The following TTC7A variants were observed in gnomAD, a reference collection of about 807,000 sequenced individuals.
TTC7A encodes the protein tetratricopeptide repeat domain 7A.
Under a neutral mutation model 103.7 loss-of-function variants are expected in TTC7A, and 110 were observed. The observed-to-expected ratio is 1.06, with a 90% CI of 0.91 to 1.24. The LOEUF (loss-of-function observed/expected upper bound fraction) is 1.24, where lower values mean the gene tolerates loss of function less well. Ranked by LOEUF, TTC7A falls within the 50% of genes most tolerant of loss-of-function variation. TTC7A has a pLI of 0.00. For missense variants in TTC7A, 1,340 were observed against 1,116.3 expected (o/e 1.20, Z -2.86); for synonymous variants, 521 against 467.9 (o/e 1.11, Z -1.47).
At chr2:46,967,532 T>G (rs1393265231) in intron 3 of TTC7A, among the ~76,000 whole-genome samples, 3 of 152,224 alleles carry the variant, frequency 2.0e-5, no homozygotes, top group African/African-American at 7.2e-5. Flanking sequence ...TCTGGCTCAT[T>G]TCACTTAGTA....
At position 47,024,377 on chromosome 2, in the gene TTC7A, C is replaced by T; in HGVS notation, c.1641+18C>T. 1 of 1,599,592 alleles carries T rather than the reference C, an allele frequency of 6.3e-7. No homozygotes were observed. Among genetic ancestry groups the T allele is most frequent in the Non-Finnish European group, 8.5e-7 (1 of 1,173,020 alleles). Reference sequence around the variant, plus strand: ...TCCGACAGGTGGGTTGTCCGTGTTCCTAACCCCCGGGTCCTCGGGGGCTGC... The same window carrying T: ...TCCGACAGGTGGGTTGTCCGTGTTCTTAACCCCCGGGTCCTCGGGGGCTGC... On this transcript the variant is annotated intron_variant, in intron 14 of 19. Transcript: ENST00000319190.
chr2:46,974,839 C>A, intron 3 of TTC7A, 134 bp from the exon 4 acceptor site: 2 of 1,285,456 alleles, frequency 1.6e-6, no homozygotes, highest in Middle Eastern at 2.8e-4. Flanking sequence ...CCCTCCCCTC[C>A]GCAGACCTCC....
chr2:46,928,332 C>T (rs992429255), intron 2 of TTC7A, among the ~76,000 whole-genome samples: 11 of 151,878 alleles, frequency 7.2e-5, no homozygotes, highest in Admixed American at 6.6e-4. Context: ...AGAAAAAGAA[C>T]TCCAGGCCAG....
chr2:46,950,395 C>A lies in TTC7A; in HGVS notation c.217C>A (p.Leu73Ile), dbSNP rs760719289. 1 of 1,614,142 alleles carries A rather than the reference C, an allele frequency of 6.2e-7. No homozygotes were observed. The highest frequency in any genetic ancestry group is 1.1e-5 in the South Asian group (1 of 91,082). Residue 73 changes from leucine to isoleucine, a missense_variant, in exon 2 of 20, where the codon CTC becomes ATC. Physicochemically the swap from Leu to Ile is conservative, Grantham distance 5. Coordinates refer to ENST00000319190, the MANE Select transcript of TTC7A (RefSeq NM_020458.4). ...TGGGAAATTGCTGCTGGCTGAGGCC[C>A]TCCTGGAGCAGTGTTTGAAGGAGAA... ...DFGKLLLAEA[L>I]LEQCLKENHA...
At chr2:47,046,478 G>A (rs1310513882) in intron 16 of TTC7A, 47 bp downstream of exon 16, 1 of 1,504,430 alleles carries the variant, frequency 6.6e-7, no homozygotes, top group Non-Finnish European at 9.2e-7. Flanking sequence ...GTGGTTGCCA[G>A]GGCAACAATC....
chr2:47,045,320 C>T (rs759365819), intron 15 of TTC7A, among the ~76,000 whole-genome samples: 35 of 152,218 alleles, frequency 2.3e-4, no homozygotes, highest in Admixed American at 3.3e-4. Flanking sequence ...CCAGTCACAG[C>T]AGGGCCTCCA....
chr2:46,993,655 T>C (rs971470865), intron 6 of TTC7A, 127 bp downstream of exon 6: 1 of 832,466 alleles, frequency 1.2e-6, no homozygotes, highest in Non-Finnish European at 2.0e-6. Flanking sequence ...GTGGCAGAGG[T>C]TGGTAATCAA....
chr2:46,970,140 C>A (rs533623164), intron 3 of TTC7A, among the ~76,000 whole-genome samples: 1 of 152,256 alleles, frequency 6.6e-6, no homozygotes, highest in Non-Finnish European at 1.5e-5. Flanking sequence ...CAAGTGTGCG[C>A]CACCAAGCCC....
intron 11 of TTC7A, among the ~76,000 whole-genome samples, chr2:47,016,982 C>T (rs569910284): frequency 4.0e-5 from 6 of 150,690 alleles, no homozygotes; most frequent in Non-Finnish European, 5.9e-5. Flanking sequence ...GTGGATCACC[C>T]GAGGTCAGGA....
At chr2:47,040,430 G>A (rs1681611641) in intron 15 of TTC7A, 1 of 152,278 alleles carries the variant, frequency 6.6e-6, no homozygotes, top group Non-Finnish European at 1.5e-5. Flanking sequence ...AGACCTCAGT[G>A]TTTACTTCAC....
intron 5 of TTC7A, among the ~76,000 whole-genome samples, chr2:46,990,123 G>A (rs564663266): frequency 2.0e-5 from 3 of 152,354 alleles, no homozygotes; most frequent in African/African-American, 7.2e-5. Context: ...CTGCTGTTGG[G>A]CCCAGCTGCC....
chr2:47,073,792 T>G lies in TTC7A; in HGVS notation c.2446T>G (p.Trp816Gly), dbSNP rs1448081580. ...VERQSTCHEA[W>G]QGLGEVLQAQ... ...GAGGCAGAGTACGTGCCACGAGGCGTGGCAGGGCCTGGGCGAGGTGCTGCA... is the reference window on the plus strand; with the variant it reads ...GAGGCAGAGTACGTGCCACGAGGCGGGGCAGGGCCTGGGCGAGGTGCTGCA... Residue 816 changes from tryptophan to glycine, a missense_variant, in exon 20 of 20, where the codon TGG (tryptophan) becomes GGG (glycine). Transcript: ENST00000319190. The G allele has an allele frequency of 1.2e-6, 2 of 1,613,522 alleles. No homozygotes were observed. The highest frequency in any genetic ancestry group is 1.7e-6 in the Non-Finnish European group (2 of 1,179,994).
At chr2:46,999,808 C>A (rs554126917) in intron 8 of TTC7A, 72 of 985,432 alleles carry the variant, frequency 7.3e-5, no homozygotes, top group Middle Eastern at 5.2e-4. Flanking sequence ...ACCCTTGGAT[C>A]CCTGTTTCAT....
chr2:46,951,381 T>C (rs1008839071), intron 2 of TTC7A, among the ~76,000 whole-genome samples: 30 of 152,278 alleles, frequency 2.0e-4, no homozygotes, highest in African/African-American at 7.2e-4. Flanking sequence ...GTGATTCATA[T>C]GTGCATCCAA....
At chr2:46,959,446 A>T (rs1164659053) in intron 3 of TTC7A, among the ~76,000 whole-genome samples, 2 of 152,140 alleles carry the variant, frequency 1.3e-5, no homozygotes, top group African/African-American at 4.8e-5. Flanking sequence ...TCTCAGGCAC[A>T]TCTGGCTGGA....
intron 3 of TTC7A, among the ~76,000 whole-genome samples, chr2:46,964,742 G>A (rs1046547695): frequency 2.6e-5 from 4 of 152,122 alleles, no homozygotes; most frequent in African/African-American, 9.7e-5. Context: ...GCTTTAGCCC[G>A]TTCAGCCTCC....
At chr2:46,971,922 C>CAA (rs5830930) in intron 3 of TTC7A, among the ~76,000 whole-genome samples, 1,902 of 93,648 alleles carry the variant, frequency 0.02, 25 homozygotes, top group Middle Eastern at 0.051. Context: ...CTGCAAGTGA[C>CAA]AAAAAAAAAA....
intron 19 of TTC7A, 123 bp from the exon 20 acceptor site, chr2:47,073,579 G>A (rs1483479994): frequency 6.2e-6 from 5 of 809,528 alleles, no homozygotes; most frequent in African/African-American, 3.4e-5. Flanking sequence ...GCCCAAGCCA[G>A]AGACGCGGGA....
At chr2:46,991,000 C>T (rs1486767443) in intron 5 of TTC7A, among the ~76,000 whole-genome samples, 2 of 152,140 alleles carry the variant, frequency 1.3e-5, no homozygotes, top group Non-Finnish European at 2.9e-5. Flanking sequence ...GCAACCTCAG[C>T]CTCCTAGGTT....
Sources: allele counts gnomAD v4.1 joint callset (sites outside exome capture counted in the v4.1 genomes callset), GRCh38; gene constraint gnomAD v4.1.1; transcripts MANE v1.5; gene names NCBI Gene and HGNC (gene_info 2026-07-23, HGNC 2026-07-21).